The following FOXP1 variants were observed in gnomAD, a reference collection of about 807,000 sequenced individuals.
FOXP1 encodes the protein forkhead box P1.
FOXP1 carries 15 observed loss-of-function variants against 98.2 expected under a neutral mutation model. That is an observed-to-expected ratio of 0.15 (90% confidence interval 0.10 to 0.24). FOXP1 has a LOEUF of 0.24. Among genes scored for constraint, FOXP1 ranks in the 10% least tolerant of loss-of-function variants. The pLI, the probability that FOXP1 is intolerant of heterozygous loss-of-function variation, is 1.00. For missense variants in FOXP1, 633 were observed against 848.5 expected, an observed-to-expected ratio of 0.75 and a Z score of 3.15; for synonymous variants, 371 against 314.5, an observed-to-expected ratio of 1.18 and a Z score of -1.90.
At chr3:71,141,688 C>G (rs1688461566) in intron 6 of FOXP1, among the ~76,000 whole-genome samples, 1 of 152,204 alleles carries the variant, frequency 6.6e-6, no homozygotes, top group Non-Finnish European at 1.5e-5. Context: ...CCTTCCCTTT[C>G]TGATACTACA....
chr3:71,040,423 C>G (rs2048184053), intron 11 of FOXP1: 1 of 151,958 alleles, frequency 6.6e-6, no homozygotes, highest in Non-Finnish European at 1.5e-5. Flanking sequence ...ATATAGAAAA[C>G]AGTTTAGGAA....
At chr3:71,481,696 C>G (rs1212775697) in intron 3 of FOXP1, among the ~76,000 whole-genome samples, 1 of 152,032 alleles carries the variant, frequency 6.6e-6, no homozygotes, top group Non-Finnish European at 1.5e-5. Context: ...CTTTCATATT[C>G]AAGTCAGTTT....
At chr3:71,449,754 C>T (rs967428286) in intron 3 of FOXP1, among the ~76,000 whole-genome samples, 1 of 152,228 alleles carries the variant, frequency 6.6e-6, no homozygotes, top group Non-Finnish European at 1.5e-5. Context: ...ATCATGCAAT[C>T]TGACCACTCG....
chr3:71,124,287 C>G lies in FOXP1; in HGVS notation c.181-11650G>C, dbSNP rs374513054. 2.9e-3 allele frequency among the ~76,000 whole-genome samples: 432 copies of G among 151,232 alleles called. 2 individuals carry two copies. Among genetic ancestry groups the G allele is most frequent in the African/African-American group, 9.9e-3 (408 of 41,268 alleles). Reference sequence around the variant, plus strand: ...GAAAAAAATTTCTTTTCAGGTTGGGCCTTTCTCAGTTTTTGCCTTTTGAGC... The same window carrying G: ...GAAAAAAATTTCTTTTCAGGTTGGGGCTTTCTCAGTTTTTGCCTTTTGAGC... On this transcript the variant is annotated intron_variant, in intron 6 of 20. Transcript: ENST00000649528.
At chr3:71,042,389 G>A (rs745343000) in intron 10 of FOXP1, among the ~76,000 whole-genome samples, 3 of 151,992 alleles carry the variant, frequency 2.0e-5, no homozygotes, top group Non-Finnish European at 4.4e-5. Flanking sequence ...TCACTATTGT[G>A]GGCCTCTTCG....
intron 4 of FOXP1, among the ~76,000 whole-genome samples, chr3:71,310,965 T>G (rs895158144): frequency 1.3e-5 from 2 of 152,208 alleles, no homozygotes; most frequent in African/African-American, 4.8e-5. Context: ...GGGCAAAAAG[T>G]TTAGGCAACA....
chr3:71,572,930 G>A (rs1292087596), intron 2 of FOXP1: 1 of 152,162 alleles, frequency 6.6e-6, no homozygotes, highest in African/African-American at 2.4e-5. Context: ...AAAAAGGTAA[G>A]TTGAGTTGTT....
chr3:71,001,342 G>T (rs1214560983), intron 12 of FOXP1, among the ~76,000 whole-genome samples: 1 of 152,152 alleles, frequency 6.6e-6, no homozygotes, highest in Admixed American at 6.5e-5. Flanking sequence ...AGCCAGGGTG[G>T]CATTTCAAGA....
At chr3:70,978,996 G>T (rs1159188671) in intron 14 of FOXP1, among the ~76,000 whole-genome samples, 2 of 152,012 alleles carry the variant, frequency 1.3e-5, no homozygotes, top group African/African-American at 2.4e-5. Flanking sequence ...GCCGGGCATG[G>T]TGGCTCACAC....
intron 3 of FOXP1, among the ~76,000 whole-genome samples, chr3:71,422,509 TC>T (rs1450888774): frequency 6.6e-6 from 1 of 152,198 alleles, no homozygotes; most frequent in Non-Finnish European, 1.5e-5. Flanking sequence ...CTCCCCCACG[TC>T]CTCACCTCTC....
At chr3:71,531,198 G>C (rs1022465927) in intron 2 of FOXP1, among the ~76,000 whole-genome samples, 9 of 152,234 alleles carry the variant, frequency 5.9e-5, no homozygotes, top group Non-Finnish European at 1.2e-4. Context: ...AGGCAAAGTA[G>C]GAGATATCGG....
intron 11 of FOXP1, among the ~76,000 whole-genome samples, chr3:71,017,139 C>CA (rs1348128645): frequency 6.6e-6 from 1 of 152,022 alleles, no homozygotes; most frequent in Non-Finnish European, 1.5e-5. Context: ...TGAAGCCAAA[C>CA]AATAAAAGGA....
At chr3:71,380,328 A>C (rs1438510172) in intron 3 of FOXP1, among the ~76,000 whole-genome samples, 1 of 152,188 alleles carries the variant, frequency 6.6e-6, no homozygotes, top group Non-Finnish European at 1.5e-5. Context: ...ACCCTGACAC[A>C]CTGGCCAAGA....
chr3:70,961,573 G>A (rs1052333706), intron 20 of FOXP1, among the ~76,000 whole-genome samples: 1 of 152,116 alleles, frequency 6.6e-6, no homozygotes, highest in South Asian at 2.1e-4. Context: ...TCAGTGCAAG[G>A]AAGGCTGCAT....
chr3:71,423,877 T>C (rs1421666839), intron 3 of FOXP1, among the ~76,000 whole-genome samples: 2 of 152,218 alleles, frequency 1.3e-5, no homozygotes, highest in Non-Finnish European at 2.9e-5. Flanking sequence ...CATGATTTCA[T>C]GAATGGCCCT....
At chr3:71,088,136 C>A (rs149127293) in intron 7 of FOXP1, among the ~76,000 whole-genome samples, 1 of 152,170 alleles carries the variant, frequency 6.6e-6, no homozygotes, top group Middle Eastern at 3.2e-3. Flanking sequence ...CTGGAAATTG[C>A]GAAAGAGCAA....
At chr3:71,481,249 G>C (rs897966625) in intron 3 of FOXP1, among the ~76,000 whole-genome samples, 6 of 152,018 alleles carry the variant, frequency 3.9e-5, no homozygotes, top group Non-Finnish European at 7.4e-5. Flanking sequence ...TAAATCCCAC[G>C]ATCACCTATG....
At chr3:71,396,975 T>C (rs1295385777) in intron 3 of FOXP1, among the ~76,000 whole-genome samples, 3 of 60,284 alleles carry the variant, frequency 5.0e-5, no homozygotes, top group African/African-American at 1.5e-4. Context: ...TGTGTATATA[T>C]ATATATGTGT....
chr3:71,261,541 G>T (rs2069136606), intron 5 of FOXP1, among the ~76,000 whole-genome samples: 1 of 152,026 alleles, frequency 6.6e-6, no homozygotes, highest in African/African-American at 2.4e-5. Context: ...AAATTAACAA[G>T]ATTTTTTTTT....
Sources: gnomAD v4.1 joint callset for allele counts (sites outside exome capture counted in the v4.1 genomes callset) on GRCh38, gnomAD v4.1.1 for gene constraint, MANE v1.5 for transcripts, NCBI Gene and HGNC (gene_info 2026-07-23, HGNC 2026-07-21) for gene names.